Variants in NOL10 observed in about 807,000 individuals in gnomAD.
The protein encoded by NOL10 is H_NH0074G24.1.
A neutral mutation model predicts 103.5 loss-of-function variants in NOL10; 58 were observed. That is an observed-to-expected ratio of 0.56 (90% CI 0.45 to 0.70). The LOEUF (loss-of-function observed/expected upper bound fraction) is 0.70, where lower values mean the gene tolerates loss of function less well. NOL10 is among the 30% of genes least tolerant of loss of function. NOL10 has a pLI of 0.00. For synonymous variants in NOL10, 287 were observed against 282.5 expected (o/e 1.02, Z -0.16); for missense variants, 763 against 807.3 (o/e 0.95, Z 0.67).
chr2:10,595,598 G>C (rs74171491), intron 17 of NOL10, among the ~76,000 whole-genome samples: 1 of 78,130 alleles, frequency 1.3e-5, no homozygotes, highest in Non-Finnish European at 3.2e-5. Context: ...GTTTTGTTTT[G>C]TTTTTGTTTG....
chr2:10,675,931 G>T, intron 3 of NOL10, 60 bp from the exon 4 acceptor site: 1 of 825,508 alleles, frequency 1.2e-6, no homozygotes, highest in Non-Finnish European at 1.9e-6. Context: ...AAAACATCCA[G>T]ATACATTGAG....
intron 13 of NOL10, among the ~76,000 whole-genome samples, chr2:10,642,822 TG>T (rs1482521586): frequency 1.3e-5 from 2 of 152,146 alleles, no homozygotes; most frequent in Non-Finnish European, 2.9e-5. Flanking sequence ...CATCAGCTCC[TG>T]GGCCCTCAGT....
At chr2:10,620,735 A>G (rs577220913) in intron 13 of NOL10, among the ~76,000 whole-genome samples, 26 of 152,266 alleles carry the variant, frequency 1.7e-4, no homozygotes, top group Admixed American at 1.4e-3. Flanking sequence ...TCTCACTAAG[A>G]TGTATATGTG....
intron 4 of NOL10, among the ~76,000 whole-genome samples, chr2:10,675,308 G>A (rs1681229480): frequency 6.6e-6 from 1 of 152,158 alleles, no homozygotes; most frequent in African/African-American, 2.4e-5. Context: ...AGAAATGCAT[G>A]CAGCCTCTAG....
At position 10,618,323 on chromosome 2, in the gene NOL10, C is replaced by A. The variant is rs188407775; in HGVS notation, c.1027-11012G>T. On this transcript the variant is annotated intron_variant, in intron 13 of 20. Transcript: ENST00000381685. ...AGGAGCCCCCACCTTCACTGACTTT[C>A]AGGATGTGGACATCTGCTCAAGGCT... Among the ~76,000 whole-genome samples, 1,210 of 152,200 alleles carry A rather than the reference C, an allele frequency of 8.0e-3. 9 individuals are homozygous for A. Among genetic ancestry groups the A allele is most frequent in the Non-Finnish European group, 0.013 (859 of 68,026 alleles).
At chr2:10,647,082 T>C (rs1461137851) in intron 12 of NOL10, among the ~76,000 whole-genome samples, 1 of 152,240 alleles carries the variant, frequency 6.6e-6, no homozygotes, top group Non-Finnish European at 1.5e-5. Context: ...TATTTTAATG[T>C]AGTTTATCCA....
Position 10,668,635 on chromosome 2 carries a change from G to A in NOL10, c.530+23C>T, listed in dbSNP as rs759386931. ...CCACCTCCTGGTCAAAATGTATATA[G>A]CAGAATTACTAAAACTACTCACGCA... is the stretch of plus-strand genomic sequence containing the variant. On this transcript the variant is annotated intron_variant, in intron 7 of 20. Transcript: ENST00000381685. The A allele has an allele frequency of 9.9e-6, 12 of 1,210,062 alleles. No individual in the cohort carries two copies. In the Admixed American group the frequency reaches 3.1e-4, roughly 32 times the overall value. 75.0% of individuals were successfully genotyped at this position (1,210,062 alleles called of 1,614,324 possible).
At chr2:10,657,957 T>C in intron 10 of NOL10, 66 bp from the exon 11 acceptor site, 2 of 1,244,180 alleles carry the variant, frequency 1.6e-6, no homozygotes, top group Admixed American at 2.6e-5. Context: ...TATTTCTAAG[T>C]GAGAATAATG....
chr2:10,598,255 G>A (rs1254270799), intron 17 of NOL10, among the ~76,000 whole-genome samples: 3 of 152,320 alleles, frequency 2.0e-5, no homozygotes, highest in African/African-American at 7.2e-5. Flanking sequence ...CAGGCGGTGT[G>A]ATGCACCGTG....
chr2:10,647,961 C>T (rs1176665497), intron 12 of NOL10, among the ~76,000 whole-genome samples: 4 of 152,142 alleles, frequency 2.6e-5, no homozygotes, highest in African/African-American at 7.2e-5. Context: ...CTGAAACCAC[C>T]GATGCTGATT....
chr2:10,617,628 G>A (rs977794438), intron 13 of NOL10, among the ~76,000 whole-genome samples: 5 of 152,090 alleles, frequency 3.3e-5, no homozygotes, highest in African/African-American at 1.2e-4. Flanking sequence ...TATGAAGGGA[G>A]GGGGAAAGTT....
intron 17 of NOL10, among the ~76,000 whole-genome samples, chr2:10,597,027 T>C (rs1403273054): frequency 6.6e-6 from 1 of 152,098 alleles, no homozygotes; most frequent in Non-Finnish European, 1.5e-5. Context: ...TGCAGTACAG[T>C]GGTGTGATCA....
chr2:10,604,015 C>G (rs945978537), intron 14 of NOL10, among the ~76,000 whole-genome samples: 3 of 152,202 alleles, frequency 2.0e-5, no homozygotes, highest in Non-Finnish European at 4.4e-5. Flanking sequence ...GGGACAGTTT[C>G]AGGACGAAAC....
At chr2:10,578,166 G>A (rs532255769) in intron 19 of NOL10, among the ~76,000 whole-genome samples, 6 of 152,178 alleles carry the variant, frequency 3.9e-5, no homozygotes, top group East Asian at 3.9e-4. Context: ...TTGGCCACTC[G>A]TCCACCTTTT....
intron 11 of NOL10, among the ~76,000 whole-genome samples, chr2:10,656,489 T>C (rs1433814739): frequency 6.6e-6 from 1 of 152,194 alleles, no homozygotes; most frequent in Non-Finnish European, 1.5e-5. Flanking sequence ...CTCAGGGATG[T>C]AGAACACAGC....
intron 14 of NOL10, among the ~76,000 whole-genome samples, chr2:10,604,409 A>T (rs957318991): frequency 2.0e-5 from 3 of 152,144 alleles, no homozygotes; most frequent in Non-Finnish European, 4.4e-5. Flanking sequence ...TATAAAAAAG[A>T]AAATTAAATT....
At chr2:10,654,372 T>C (rs774798948) in intron 12 of NOL10, 109 bp downstream of exon 12, 57 of 731,660 alleles carry the variant, frequency 7.8e-5, no homozygotes, top group Non-Finnish European at 1.2e-4. Context: ...AGAAATAAAA[T>C]GGGTTTAAAA....
At chr2:10,588,446 C>T (rs555933718) in intron 19 of NOL10, among the ~76,000 whole-genome samples, 78 of 152,308 alleles carry the variant, frequency 5.1e-4, no homozygotes, top group South Asian at 1.5e-3. Context: ...CTACTCTTTT[C>T]GATCTCTCAA....
chr2:10,643,391 T>C (rs1678849663), intron 13 of NOL10, among the ~76,000 whole-genome samples: 1 of 152,200 alleles, frequency 6.6e-6, no homozygotes, highest in Non-Finnish European at 1.5e-5. Context: ...CTCACTCTAC[T>C]CTCTTCTCAA....
Sources: gnomAD v4.1 joint callset for allele counts (sites outside exome capture counted in the v4.1 genomes callset) on GRCh38, gnomAD v4.1.1 for gene constraint, MANE v1.5 for transcripts, NCBI Gene and HGNC (gene_info 2026-07-23, HGNC 2026-07-21) for gene names.